The following CAMTA1 variants were observed in gnomAD, a reference collection of about 807,000 sequenced individuals.
CAMTA1 encodes the protein calmodulin-binding transcription activator 1.
CAMTA1 carries 27 observed loss-of-function variants against 170.9 expected under a neutral mutation model. The ratio of observed to expected loss-of-function variants is 0.16; its 90% CI spans 0.12 to 0.22. The LOEUF (loss-of-function observed/expected upper bound fraction) is 0.22, where lower values mean the gene tolerates loss of function less well. Among genes scored for constraint, CAMTA1 ranks in the 10% least tolerant of loss-of-function variants. The pLI is 1.00. For synonymous variants in CAMTA1, 833 were observed against 891.5 expected (o/e 0.93, Z 1.17); for missense variants, 1,619 against 2,217.2 (o/e 0.73, Z 5.42).
At chr1:7,080,277 A>C (rs1032257438) in intron 3 of CAMTA1, among the ~76,000 whole-genome samples, 1 of 145,182 alleles carries the variant, frequency 6.9e-6, no homozygotes, top group Admixed American at 6.7e-5. Context: ...TGTTTTTTTA[A>C]TCTCTCAAAA....
At chr1:7,667,575 C>T (rs992628469) in intron 9 of CAMTA1, among the ~76,000 whole-genome samples, 4 of 152,102 alleles carry the variant, frequency 2.6e-5, no homozygotes, top group East Asian at 1.9e-4. Flanking sequence ...CCTCTTTTCC[C>T]GAGGTCCTGG....
chr1:6,814,073 G>A (rs1402389166), intron 1 of CAMTA1, among the ~76,000 whole-genome samples: 1 of 152,130 alleles, frequency 6.6e-6, no homozygotes, highest in Non-Finnish European at 1.5e-5. Context: ...GAACAAGCCA[G>A]ACATCCTTTC....
At chr1:6,820,524 A>T (rs1048999526) in intron 2 of CAMTA1, among the ~76,000 whole-genome samples, 1 of 152,208 alleles carries the variant, frequency 6.6e-6, no homozygotes, top group Non-Finnish European at 1.5e-5. Flanking sequence ...TACTAATACA[A>T]CACTTCTGTA....
intron 6 of CAMTA1, among the ~76,000 whole-genome samples, chr1:7,590,203 G>A (rs541296334): frequency 1.4e-4 from 22 of 152,330 alleles, no homozygotes; most frequent in African/African-American, 5.1e-4. Flanking sequence ...AATCAAGGCA[G>A]CTCTAGGAGG....
chr1:7,529,873 G>T (rs2094471360), intron 6 of CAMTA1, among the ~76,000 whole-genome samples: 1 of 152,240 alleles, frequency 6.6e-6, no homozygotes, highest in Admixed American at 6.5e-5. Flanking sequence ...TAACCCAGAA[G>T]TGAGGCTGTC....
At position 7,532,589 on chromosome 1, in the gene CAMTA1, A is replaced by T. The variant is rs1250785972; in HGVS notation, c.510+64688A>T. ...GTTCAGCTTCTTTCTTTAATCCATC[A>T]CTTAGGCCACAGATATTTACCAGTC... On this transcript the variant is annotated intron_variant, in intron 6 of 22. Coordinates refer to ENST00000303635, the MANE Select transcript of CAMTA1 (RefSeq NM_015215.4). The surrounding 1 kb of genome is among the most constrained non-coding windows in gnomAD (Gnocchi z 4.2). Among the ~76,000 whole-genome samples, 1 of 152,018 alleles carries T rather than the reference A, an allele frequency of 6.6e-6. No homozygotes were observed. Among genetic ancestry groups the T allele is most frequent in the East Asian group, 1.9e-4 (1 of 5,170 alleles).
At chr1:7,228,171 A>G (rs1318049996) in intron 4 of CAMTA1, among the ~76,000 whole-genome samples, 2 of 152,256 alleles carry the variant, frequency 1.3e-5, no homozygotes, top group East Asian at 1.9e-4. Context: ...GCTCTGATTT[A>G]TAAGCTCTGG....
At chr1:7,743,276 C>T (rs4908692) in intron 16 of CAMTA1, among the ~76,000 whole-genome samples, 28,765 of 151,526 alleles carry the variant, frequency 0.19, 3,131 homozygotes, top group Admixed American at 0.29. Flanking sequence ...GTATAATTTA[C>T]GTATGATAAA....
At chr1:7,750,878 T>A (rs555442752) in intron 19 of CAMTA1, 1 of 358,286 alleles carries the variant, frequency 2.8e-6, no homozygotes, top group African/African-American at 2.1e-5. Context: ...ATTTAAAATT[T>A]TACTGTCGAA....
intron 5 of CAMTA1, among the ~76,000 whole-genome samples, chr1:7,320,404 A>T (rs1355693220): frequency 6.6e-6 from 1 of 152,214 alleles, no homozygotes; most frequent in Non-Finnish European, 1.5e-5. Flanking sequence ...TCAGTTGGCC[A>T]TATGCTATGT....
chr1:6,814,543 A>G (rs1005378651), intron 1 of CAMTA1, among the ~76,000 whole-genome samples: 7 of 152,180 alleles, frequency 4.6e-5, no homozygotes, highest in African/African-American at 1.7e-4. Flanking sequence ...TGCTGTGAGA[A>G]CAGTCTGCCC....
At chr1:7,141,139 G>T (rs1230539753) in intron 4 of CAMTA1, among the ~76,000 whole-genome samples, 3 of 152,140 alleles carry the variant, frequency 2.0e-5, no homozygotes, top group Non-Finnish European at 1.5e-5. Context: ...TGTCCAGGTT[G>T]TGAGGCCTTT....
At chr1:7,179,677 TA>T (rs1430845229) in intron 4 of CAMTA1, among the ~76,000 whole-genome samples, 3 of 152,078 alleles carry the variant, frequency 2.0e-5, no homozygotes, top group South Asian at 2.1e-4. Flanking sequence ...AATTAAAAAT[TA>T]AAAAATAATC....
intron 4 of CAMTA1, among the ~76,000 whole-genome samples, chr1:7,158,363 A>G (rs767417450): frequency 1.3e-5 from 2 of 152,186 alleles, no homozygotes; most frequent in Non-Finnish European, 2.9e-5. Flanking sequence ...GGTGTCTGCA[A>G]TTTACTGGGA....
At position 7,536,720 on chromosome 1, in the gene CAMTA1, G is replaced by A. The variant is rs141389638; in HGVS notation, c.510+68819G>A. Among the ~76,000 whole-genome samples, 717 of 152,264 alleles carry A rather than the reference G, an allele frequency of 4.7e-3. 8 individuals carry two copies. The highest frequency in any genetic ancestry group is 0.016 in the African/African-American group (680 of 41,536). Reference sequence around the variant, plus strand: ...GGTGTGGACGCAGGGCTTTCTGCACGGCAGGCGCGACGCTCATTTAAATAG... The same window carrying A: ...GGTGTGGACGCAGGGCTTTCTGCACAGCAGGCGCGACGCTCATTTAAATAG... On this transcript the variant is annotated intron_variant, in intron 6 of 22. Coordinates refer to ENST00000303635, the MANE Select transcript of CAMTA1 (RefSeq NM_015215.4).
intron 3 of CAMTA1, among the ~76,000 whole-genome samples, chr1:7,049,614 A>T (rs986786326): frequency 6.6e-6 from 1 of 151,876 alleles, no homozygotes; most frequent in African/African-American, 2.4e-5. Context: ...CCACCACCAC[A>T]CCCAGCTAAT....
chr1:7,652,969 T>G (rs1054489763), intron 7 of CAMTA1, among the ~76,000 whole-genome samples: 1 of 152,194 alleles, frequency 6.6e-6, no homozygotes, highest in African/African-American at 2.4e-5. Flanking sequence ...GGATAATATA[T>G]TCTGCCTCAA....
At chr1:7,644,346 A>G (rs1320076150) in intron 7 of CAMTA1, among the ~76,000 whole-genome samples, 5 of 152,228 alleles carry the variant, frequency 3.3e-5, no homozygotes, top group African/African-American at 7.2e-5. Context: ...GATAGCTGAT[A>G]GGAATTCCCA....
At chr1:7,319,329 G>A (rs1284593105) in intron 5 of CAMTA1, among the ~76,000 whole-genome samples, 2 of 152,100 alleles carry the variant, frequency 1.3e-5, no homozygotes, top group Non-Finnish European at 2.9e-5. Context: ...TGATCATGGG[G>A]GCAGATTCCC....
Sources: allele counts gnomAD v4.1 joint callset (sites outside exome capture counted in the v4.1 genomes callset), GRCh38; gene constraint gnomAD v4.1.1; non-coding constraint Gnocchi (gnomAD v3.1); transcripts MANE v1.5; gene names NCBI Gene and HGNC (gene_info 2026-07-23, HGNC 2026-07-21).